Variants in KIRREL3 observed in about 807,000 individuals in gnomAD.
KIRREL3 encodes kirre like nephrin family adhesion molecule 3, also known as kin of IRRE-like protein 3.
Under a neutral mutation model 89.7 loss-of-function variants are expected in KIRREL3, and 36 were observed. The observed-to-expected ratio is 0.40, with a 90% confidence interval of 0.31 to 0.53. KIRREL3 has a LOEUF of 0.53. Among genes scored for constraint, KIRREL3 ranks in the 20% least tolerant of loss-of-function variants. The probability of loss-of-function intolerance (pLI) is 0.49; values close to 1 mark genes in which losing one functional copy is unlikely to be tolerated. For synonymous variants in KIRREL3, 445 were observed against 441.4 expected (o/e 1.01, Z -0.10); for missense variants, 864 against 1,056.6 (o/e 0.82, Z 2.53).
intron 1 of KIRREL3, among the ~76,000 whole-genome samples, chr11:126,650,212 G>T (rs1168785464): frequency 6.6e-6 from 1 of 152,232 alleles, no homozygotes; most frequent in Non-Finnish European, 1.5e-5. Context: ...GATAGGAAGG[G>T]CTGCCACGAA....
chr11:126,629,981 C>G (rs893498193), intron 1 of KIRREL3, among the ~76,000 whole-genome samples: 5 of 152,318 alleles, frequency 3.3e-5, no homozygotes, highest in African/African-American at 1.2e-4. Context: ...TGTCTGTTTT[C>G]TGCCAGGATC....
intron 1 of KIRREL3, among the ~76,000 whole-genome samples, chr11:126,821,411 T>G (rs1220636601): frequency 6.7e-6 from 1 of 148,222 alleles, no homozygotes; most frequent in East Asian, 2.0e-4. Flanking sequence ...TTTTTGGATA[T>G]TCTTGCTTTT....
At chr11:126,765,450 C>A (rs570430521) in intron 1 of KIRREL3, among the ~76,000 whole-genome samples, 2 of 152,166 alleles carry the variant, frequency 1.3e-5, no homozygotes, top group African/African-American at 4.8e-5. Context: ...CCAGAGCATA[C>A]GGCTTTTACT....
intron 1 of KIRREL3, among the ~76,000 whole-genome samples, chr11:126,869,930 T>C (rs1592254596): frequency 2.0e-5 from 3 of 152,240 alleles, no homozygotes; most frequent in African/African-American, 7.2e-5. Context: ...AGTGGTTCAC[T>C]AGAACCTTGT....
At chr11:126,756,284 ATGT>A (rs1949497442) in intron 1 of KIRREL3, among the ~76,000 whole-genome samples, 1 of 152,248 alleles carries the variant, frequency 6.6e-6, no homozygotes, top group Non-Finnish European at 1.5e-5. Flanking sequence ...ATGTGCTGAG[ATGT>A]TGTTCTTCTC....
chr11:126,426,831 G>A (rs1182728377), intron 15 of KIRREL3, among the ~76,000 whole-genome samples: 1 of 152,246 alleles, frequency 6.6e-6, no homozygotes, highest in Non-Finnish European at 1.5e-5. Flanking sequence ...TCACTAAGGA[G>A]ACCATGCGGT....
At chr11:126,451,635 T>G (rs1021877985) in intron 7 of KIRREL3, among the ~76,000 whole-genome samples, 35 of 150,962 alleles carry the variant, frequency 2.3e-4, no homozygotes, top group African/African-American at 8.3e-4. Context: ...TCCATGTGCA[T>G]GTGTGCATGT....
chr11:126,977,614 C>T lies in KIRREL3; in HGVS notation c.55+22841G>A, dbSNP rs1437219924. On this transcript the variant is annotated intron_variant, in intron 1 of 16. Coordinates refer to ENST00000525144, the MANE Select transcript of KIRREL3 (RefSeq NM_032531.4). This position sits in a 1 kb window ranked among gnomAD's most constrained non-coding sequence, Gnocchi z 4.7. Reference sequence around the variant, plus strand: ...CCTGTCTATTTCATCAGGTTTATACCTTGTTGGCACAATGCCTGGCACATA... The same window carrying T: ...CCTGTCTATTTCATCAGGTTTATACTTTGTTGGCACAATGCCTGGCACATA... 6.6e-6 allele frequency among the ~76,000 whole-genome samples: 1 copy of T among 152,160 alleles called. No individual in the cohort carries two copies. The highest frequency in any genetic ancestry group is 2.4e-5 in the African/African-American group (1 of 41,416).
Position 126,892,808 on chromosome 11 carries a change from A to C in KIRREL3, c.55+107647T>G, listed in dbSNP as rs559132322. Among the ~76,000 whole-genome samples the C allele has an allele frequency of 6.6e-6, 1 of 152,288 alleles. No homozygotes were observed. The highest frequency in any genetic ancestry group is 2.4e-5 in the African/African-American group (1 of 41,558). ...TTCATTGACATTTCCACGGTAGTGCATACAGCCCTCGAGACCTACTCAAGA... is the reference window on the plus strand; with the variant it reads ...TTCATTGACATTTCCACGGTAGTGCCTACAGCCCTCGAGACCTACTCAAGA... On this transcript the variant is annotated intron_variant, in intron 1 of 16. Transcript: ENST00000525144. The surrounding 1 kb of genome is among the most constrained non-coding windows in gnomAD (Gnocchi z 5.4).
At chr11:126,714,521 G>A (rs1947882894) in intron 1 of KIRREL3, among the ~76,000 whole-genome samples, 1 of 152,160 alleles carries the variant, frequency 6.6e-6, no homozygotes, top group African/African-American at 2.4e-5. Context: ...TTCTGTCTTG[G>A]GCAAATGGCA....
chr11:126,958,762 T>C (rs754842926), intron 1 of KIRREL3, among the ~76,000 whole-genome samples: 1 of 152,180 alleles, frequency 6.6e-6, no homozygotes, highest in Non-Finnish European at 1.5e-5. Context: ...TTCCTATAAA[T>C]TAGAGCATTT....
rs979058753 is a variant in KIRREL3, at chr11:126,844,978, A to G, written c.55+155477T>C. On this transcript the variant is annotated intron_variant, in intron 1 of 16. Coordinates refer to ENST00000525144, the MANE Select transcript of KIRREL3 (RefSeq NM_032531.4). This position sits in a 1 kb window ranked among gnomAD's most constrained non-coding sequence, Gnocchi z 4.8. ...TGCCTTCCCCACCCTGCTGTGCACA[A>G]TGCTTTTTTCTCTTTCTCTTTTTGA... Among the ~76,000 whole-genome samples the G allele has an allele frequency of 3.9e-5, 6 of 152,008 alleles. No individual in the cohort carries two copies. The highest frequency in any genetic ancestry group is 7.4e-5 in the Non-Finnish European group (5 of 68,004).
Position 126,564,982 on chromosome 11 carries a change from G to T in KIRREL3, c.56-2070C>A, listed in dbSNP as rs551301686. On this transcript the variant is annotated intron_variant, in intron 1 of 16. Coordinates refer to ENST00000525144, the MANE Select transcript of KIRREL3 (RefSeq NM_032531.4). This position sits in a 1 kb window ranked among gnomAD's most constrained non-coding sequence, Gnocchi z 7.4. ...CTATTATATTTTTGCCATTGACTTCGTATGCCCATCTAAAGCACATCAGCA... is the reference window on the plus strand; with the variant it reads ...CTATTATATTTTTGCCATTGACTTCTTATGCCCATCTAAAGCACATCAGCA... Among the ~76,000 whole-genome samples the T allele has an allele frequency of 6.6e-6, 1 of 152,276 alleles. No individual in the cohort carries two copies. The highest frequency in any genetic ancestry group is 2.4e-5 in the African/African-American group (1 of 41,546).
In KIRREL3 at chr11:126,877,056, G is replaced by T. The variant is rs113848750; in HGVS notation, c.55+123399C>A. 2.0e-5 allele frequency among the ~76,000 whole-genome samples: 3 copies of T among 152,178 alleles called. No individual in the cohort carries two copies. Among genetic ancestry groups the T allele is most frequent in the Non-Finnish European group, 4.4e-5 (3 of 68,034 alleles). The stretch of plus-strand genomic sequence containing the variant: ...CATAAGAATAAAGGTTGGTTGTGGC[G>T]CTTGGCCAAAGCAGGGCTGGGGACC... On this transcript the variant is annotated intron_variant, in intron 1 of 16. Coordinates refer to ENST00000525144, the MANE Select transcript of KIRREL3 (RefSeq NM_032531.4). This position sits in a 1 kb window ranked among gnomAD's most constrained non-coding sequence, Gnocchi z 4.9.
Position 126,587,661 on chromosome 11 carries a change from A to G in KIRREL3, c.56-24749T>C, listed in dbSNP as rs1282053545. 6.6e-6 allele frequency among the ~76,000 whole-genome samples: 1 copy of G among 152,216 alleles called. No homozygotes were observed. The highest frequency in any genetic ancestry group is 1.5e-5 in the Non-Finnish European group (1 of 68,048). ...CACTTTATCTCGCTGAAGGACTGTA[A>G]TCTGGGAGATATTCATTTAACATAT... is the stretch of plus-strand genomic sequence containing the variant. On this transcript the variant is annotated intron_variant, in intron 1 of 16. Coordinates refer to ENST00000525144, the MANE Select transcript of KIRREL3 (RefSeq NM_032531.4). This position sits in a 1 kb window ranked among gnomAD's most constrained non-coding sequence, Gnocchi z 5.2.
chr11:126,949,076 G>A (rs1385650782), intron 1 of KIRREL3, among the ~76,000 whole-genome samples: 1 of 152,184 alleles, frequency 6.6e-6, no homozygotes, highest in Non-Finnish European at 1.5e-5. Context: ...ATAATCTCCT[G>A]ACTAATGGAC....
intron 1 of KIRREL3, among the ~76,000 whole-genome samples, chr11:126,634,959 T>C (rs565084587): frequency 2.6e-5 from 4 of 152,178 alleles, no homozygotes; most frequent in Non-Finnish European, 5.9e-5. Flanking sequence ...AGCACAGCAC[T>C]TCTCACAGCT....
At chr11:126,595,945 G>A (rs1193499053) in intron 1 of KIRREL3, among the ~76,000 whole-genome samples, 2 of 152,226 alleles carry the variant, frequency 1.3e-5, no homozygotes, top group South Asian at 2.1e-4. Context: ...CAATGATTAA[G>A]GGTCACAATA....
At chr11:126,451,347 T>TGAGCGTGTGCATGTGC (rs1956135555) in intron 7 of KIRREL3, among the ~76,000 whole-genome samples, 1 of 135,070 alleles carries the variant, frequency 7.4e-6, no homozygotes, top group African/African-American at 2.8e-5. Context: ...TGTGCATGTG[T>TGAGCGTGTGCATGTGC]GTGCGTATGT....
Sources: allele counts gnomAD v4.1 joint callset (sites outside exome capture counted in the v4.1 genomes callset), GRCh38; gene constraint gnomAD v4.1.1; non-coding constraint Gnocchi (gnomAD v3.1); transcripts MANE v1.5; gene names NCBI Gene and HGNC (gene_info 2026-07-23, HGNC 2026-07-21).